The following PAK1IP1 variants were observed in gnomAD, a reference collection of about 807,000 sequenced individuals.
PAK1IP1 encodes p21-activated protein kinase-interacting protein 1.
Under a neutral mutation model 42.0 loss-of-function variants are expected in PAK1IP1, and 24 were observed. The observed-to-expected ratio is 0.57, with a 90% CI of 0.41 to 0.80. The LOEUF is 0.80. Ranked by LOEUF, PAK1IP1 falls within the 30% of genes least tolerant of loss-of-function variation. The pLI, the probability that PAK1IP1 is intolerant of heterozygous loss-of-function variation, is 0.00. For synonymous variants in PAK1IP1, 154 were observed against 156.7 expected (o/e 0.98, Z 0.13); for missense variants, 411 against 467.9 (o/e 0.88, Z 1.12).
intron 2 of PAK1IP1, among the ~76,000 whole-genome samples, chr6:10,698,055 A>C (rs1769910902): frequency 6.6e-6 from 1 of 152,206 alleles, no homozygotes; most frequent in South Asian, 2.1e-4. Context: ...GGGCAGGTAA[A>C]GTTTGCAAGG....
Position 10,709,499 on chromosome 6 carries a change from C to A in PAK1IP1, c.*47C>A. The A allele has an allele frequency of 1.6e-6, 2 of 1,241,036 alleles. No individual in the cohort carries two copies. The highest frequency in any genetic ancestry group is 2.2e-6 in the Non-Finnish European group (2 of 919,470). 76.9% of individuals were successfully genotyped at this position (1,241,036 alleles called of 1,614,324 possible). ...AACTCTTTTAGATGAAATCATTCTA[C>A]TCAAATGTACCTTAATTTTTTTTTT... is the stretch of plus-strand genomic sequence containing the variant. On this transcript the variant is annotated 3_prime_UTR_variant, in exon 10 of 10. Coordinates refer to ENST00000379568, the MANE Select transcript of PAK1IP1 (RefSeq NM_017906.3).
rs1463974352 is a variant in PAK1IP1 at position 10,702,609 on chromosome 6, C to T, written c.413C>T (p.Ala138Val). Reference sequence around the variant, plus strand: ...TCTATTCACCCATCTGGCAAGTTGGCCCTGTCGGTTGGTACAGATAAAACT... The same window carrying T: ...TCTATTCACCCATCTGGCAAGTTGGTCCTGTCGGTTGGTACAGATAAAACT... ...FLSIHPSGKL[A>V]LSVGTDKTLR... The change falls in exon 4 of 10, where the codon GCC becomes GTC. Residue 138 changes from alanine (A) to valine (V), a missense_variant. Physicochemically the swap from Ala to Val is moderately conservative, Grantham distance 64. Transcript: ENST00000379568. The T allele has an allele frequency of 6.2e-7, 1 of 1,613,538 alleles. No individual in the cohort carries two copies. Among genetic ancestry groups the T allele is most frequent in the Non-Finnish European group, 8.5e-7 (1 of 1,179,742 alleles).
In PAK1IP1 at chr6:10,695,088, A is replaced by T. The variant is rs1403284244; in HGVS notation, c.84+19A>T. 1 of 1,545,606 alleles carries T rather than the reference A, an allele frequency of 6.5e-7. No homozygotes were observed. Among genetic ancestry groups the T allele is most frequent in the Non-Finnish European group, 8.9e-7 (1 of 1,129,442 alleles). The stretch of plus-strand genomic sequence containing the variant: ...CCACGAGGTGAGATACCGCGTAGTT[A>T]GAGACAGTCGGAGGCGGGGCCGGGA... On this transcript the variant is annotated intron_variant, in intron 1 of 9. Coordinates refer to ENST00000379568, the MANE Select transcript of PAK1IP1 (RefSeq NM_017906.3).
intron 1 of PAK1IP1, 107 bp from the exon 2 acceptor site, chr6:10,697,217 T>A: frequency 1.1e-6 from 1 of 912,606 alleles, no homozygotes; most frequent in Non-Finnish European, 1.7e-6. Flanking sequence ...TGATTTATCT[T>A]TTCAGAAACA....
rs112971132 is a variant in PAK1IP1 at position 10,704,749 on chromosome 6, G to T, written c.645G>T (p.Glu215Asp). ...KRISSVKFLS[E>D]SVLAVAGDEE... The stretch of plus-strand genomic sequence containing the variant: ...TTACTCTTTTTCCTCTCTCCTAGGA[G>T]TCTGTCCTTGCAGTGGCTGGAGATG... Residue 215 changes from glutamate (E) to aspartate (D), a missense_variant and splice_region_variant, in exon 7 of 10, where the codon GAG becomes GAT. By Grantham distance (45) the Glu-to-Asp change is conservative. Coordinates refer to ENST00000379568, the MANE Select transcript of PAK1IP1 (RefSeq NM_017906.3). The T allele has an allele frequency of 3.7e-6, 6 of 1,610,998 alleles. No homozygotes were observed. Among genetic ancestry groups the T allele is most frequent in the African/African-American group, 1.3e-5 (1 of 75,004 alleles).
At position 10,701,145 on chromosome 6, in the gene PAK1IP1, C is replaced by G. The variant is rs1466385494; in HGVS notation, c.248-1224C>G. ...CAGGCTGGAGTGCAGTGGCAGAGCT[C>G]GGCTCACTGCAACCTCCATCTCCCG... is the stretch of plus-strand genomic sequence containing the variant. On this transcript the variant is annotated intron_variant, in intron 2 of 9. Transcript: ENST00000379568. 2.0e-5 allele frequency among the ~76,000 whole-genome samples: 3 copies of G among 152,098 alleles called. No homozygotes were observed. In the East Asian group the frequency reaches 5.8e-4, roughly 29 times the overall value.
intron 5 of PAK1IP1, 135 bp downstream of exon 5, chr6:10,703,592 ACAGT>A (rs1367466168): frequency 1.7e-6 from 1 of 600,950 alleles, no homozygotes; most frequent in African/African-American, 1.9e-5. Flanking sequence ...ATGATGGGTC[ACAGT>A]CAGAACCTTG....
intron 2 of PAK1IP1, among the ~76,000 whole-genome samples, chr6:10,701,273 C>T (rs183659184): frequency 1.5e-4 from 23 of 152,164 alleles, no homozygotes; most frequent in Middle Eastern, 6.8e-3. Flanking sequence ...GACGGGGTTT[C>T]GCCATGTTGG....
upstream of PAK1IP1, among the ~76,000 whole-genome samples, chr6:10,692,356 T>TA (rs1769395560): frequency 6.6e-6 from 1 of 152,116 alleles, no homozygotes; most frequent in Admixed American, 6.5e-5. Flanking sequence ...GGTGGAAACT[T>TA]ACACATTACA....
At position 10,709,525 on chromosome 6, in the gene PAK1IP1, T is replaced by C. The variant is rs1581588632; in HGVS notation, c.*73T>C. 2 of 998,424 alleles carry C rather than the reference T, an allele frequency of 2.0e-6. No individual in the cohort carries two copies. 61.8% of individuals were successfully genotyped at this position (998,424 alleles called of 1,614,324 possible). ...TCAAATGTACCTTAATTTTTTTTTTTTCCCTGAGTAAAAGCAAGAAATTTC... is the reference window on the plus strand; with the variant it reads ...TCAAATGTACCTTAATTTTTTTTTTCTCCCTGAGTAAAAGCAAGAAATTTC... On this transcript the variant is annotated 3_prime_UTR_variant, in exon 10 of 10. Transcript: ENST00000379568.
Position 10,707,474 on chromosome 6 carries a change from G to A in PAK1IP1, c.800G>A (p.Ser267Asn), listed in dbSNP as rs778178362. 1.2e-6 allele frequency: 2 copies of A among 1,611,366 alleles called. No homozygotes were observed. Among genetic ancestry groups the A allele is most frequent in the Non-Finnish European group, 1.7e-6 (2 of 1,177,438 alleles). ...PEHHVIVSASSDGFIKMWKLK... is the reference protein window; with the variant it reads ...PEHHVIVSASNDGFIKMWKLK... Reference sequence around the variant, plus strand: ...CATCATGTTATTGTTTCAGCATCGAGTGATGGTTTCATCAAAATGTGGAAG... The same window carrying A: ...CATCATGTTATTGTTTCAGCATCGAATGATGGTTTCATCAAAATGTGGAAG... Residue 267 changes from serine to asparagine, a missense_variant, in exon 8 of 10, where the codon AGT (serine) becomes AAT (asparagine). By Grantham distance (46) the Ser-to-Asn change is conservative. Transcript: ENST00000379568.
At chr6:10,694,935 T>G, upstream of PAK1IP1, 1 of 1,045,354 alleles carries the variant, frequency 9.6e-7, no homozygotes, top group Non-Finnish European at 1.4e-6. Context: ...TTTCCGGTTC[T>G]GTCACCTCCA....
intron 2 of PAK1IP1, among the ~76,000 whole-genome samples, chr6:10,700,408 G>A (rs912396127): frequency 6.6e-6 from 1 of 152,152 alleles, no homozygotes; most frequent in African/African-American, 2.4e-5. Context: ...CGTTCATGAG[G>A]GTTTGCCCTT....
intron 1 of PAK1IP1, among the ~76,000 whole-genome samples, chr6:10,696,314 G>C (rs6929689): frequency 0.017 from 2,587 of 152,290 alleles, 78 homozygotes; most frequent in African/African-American, 0.059. Flanking sequence ...ATTCAAAGGA[G>C]GCCCCCTTGG....
At chr6:10,696,133 C>T (rs1769829288) in intron 1 of PAK1IP1, among the ~76,000 whole-genome samples, 1 of 152,152 alleles carries the variant, frequency 6.6e-6, no homozygotes, top group Non-Finnish European at 1.5e-5. Context: ...ATAATTGACA[C>T]AGCTGACCCC....
intron 7 of PAK1IP1, 35 bp downstream of exon 7, chr6:10,704,879 C>A: frequency 1.6e-6 from 2 of 1,285,076 alleles, no homozygotes; most frequent in South Asian, 1.2e-5. Flanking sequence ...TATGTCTAGT[C>A]TTAATAAAAG....
chr6:10,693,734 CTTTT>C, upstream of PAK1IP1, among the ~76,000 whole-genome samples: 1 of 151,744 alleles, frequency 6.6e-6, no homozygotes, highest in African/African-American at 2.4e-5. Context: ...TTAAATAAAA[CTTTT>C]TTTTTCTTTG....
intron 2 of PAK1IP1, among the ~76,000 whole-genome samples, chr6:10,698,816 G>A (rs1228728921): frequency 6.6e-6 from 1 of 152,246 alleles, no homozygotes; most frequent in African/African-American, 2.4e-5. Flanking sequence ...GAGAGAGGAA[G>A]GTTACTTGGT....
chr6:10,699,453 G>A (rs1246189611), intron 2 of PAK1IP1, among the ~76,000 whole-genome samples: 1 of 152,170 alleles, frequency 6.6e-6, no homozygotes, highest in Non-Finnish European at 1.5e-5. Flanking sequence ...GGTCACTGGA[G>A]TTGAAGTCAA....
Sources: gnomAD v4.1 joint callset for allele counts (sites outside exome capture counted in the v4.1 genomes callset) on GRCh38, gnomAD v4.1.1 for gene constraint, MANE v1.5 for transcripts, NCBI Gene and HGNC (gene_info 2026-07-23, HGNC 2026-07-21) for gene names.